Variants in OSBPL9 observed in about 807,000 individuals in gnomAD.
OSBPL9 encodes the protein oxysterol binding protein like 9.
In OSBPL9, 40 loss-of-function variants were observed where a neutral mutation model predicts 106.6. The ratio of observed to expected loss-of-function variants is 0.38; its 90% CI spans 0.29 to 0.49. The LOEUF is 0.49. Among genes scored for constraint, OSBPL9 ranks in the 20% least tolerant of loss-of-function variants. The pLI is 0.97. For missense variants in OSBPL9, 609 were observed against 887.2 expected (o/e 0.69, Z 3.98); for synonymous variants, 269 against 295.4 (o/e 0.91, Z 0.92).
At chr1:51,646,190 CT>C (rs1339397250) in intron 1 of OSBPL9, among the ~76,000 whole-genome samples, 1 of 152,118 alleles carries the variant, frequency 6.6e-6, no homozygotes, top group African/African-American at 2.4e-5. Context: ...TATATTGAAT[CT>C]GTAAATCAAT....
intron 4 of OSBPL9, among the ~76,000 whole-genome samples, chr1:51,731,548 G>A (rs1486579824): frequency 6.6e-6 from 1 of 152,092 alleles, no homozygotes; most frequent in African/African-American, 2.4e-5. Flanking sequence ...AGGCCGAGGC[G>A]GCCGGATCTC....
chr1:51,546,610 T>A, the OSBPL9 span, among the ~76,000 whole-genome samples: 1 of 150,452 alleles, frequency 6.6e-6, no homozygotes, highest in African/African-American at 2.5e-5. Context: ...GACAGGAGAA[T>A]GGCATGAACC....
At position 51,618,364 on chromosome 1, in the gene OSBPL9, A is replaced by T. The variant is rs138341696; in HGVS notation, c.111+1143A>T. Reference sequence around the variant, plus strand: ...ATCCCCTCCACCCTCATCGCATTCGATATGGAGAGTAGGTGGTATTAGGGA... The same window carrying T: ...ATCCCCTCCACCCTCATCGCATTCGTTATGGAGAGTAGGTGGTATTAGGGA... On this transcript the variant is annotated intron_variant, in intron 1 of 23. Transcript: ENST00000428468. 1.9e-4 allele frequency among the ~76,000 whole-genome samples: 29 copies of T among 152,142 alleles called. No individual in the cohort carries two copies. In the East Asian group the frequency reaches 5.6e-3, roughly 29 times the overall value.
intron 3 of OSBPL9, among the ~76,000 whole-genome samples, chr1:51,679,467 T>C (rs2148794387): frequency 6.6e-6 from 1 of 152,352 alleles, no homozygotes; most frequent in East Asian, 1.9e-4. Context: ...GTTAGTAACA[T>C]GGTTGTGTAT....
chr1:51,675,187 G>T (rs1014597095), intron 3 of OSBPL9, among the ~76,000 whole-genome samples: 1 of 152,154 alleles, frequency 6.6e-6, no homozygotes, highest in African/African-American at 2.4e-5. Context: ...ATTAAGCAGT[G>T]CATAACTGTA....
chr1:51,784,390 C>T, intron 19 of OSBPL9, 52 bp from the exon 20 acceptor site: 1 of 1,611,418 alleles, frequency 6.2e-7, no homozygotes, highest in Non-Finnish European at 8.5e-7. Context: ...CATGCCCCTT[C>T]CCCCTCTTCC....
intron 3 of OSBPL9, 119 bp downstream of exon 3, chr1:51,669,631 A>G (rs1570947296): frequency 1.1e-6 from 1 of 892,708 alleles, no homozygotes; most frequent in Admixed American, 2.0e-5. Context: ...GAACGAGTGC[A>G]TAGGAACATT....
chr1:51,551,323 G>A, the OSBPL9 span, among the ~76,000 whole-genome samples: 1 of 152,046 alleles, frequency 6.6e-6, no homozygotes, highest in Non-Finnish European at 1.5e-5. Flanking sequence ...TCCTGGCTCT[G>A]TAGTGGGATC....
intron 1 of OSBPL9, among the ~76,000 whole-genome samples, chr1:51,591,263 G>T (rs1193408873): frequency 2.6e-5 from 4 of 151,892 alleles, no homozygotes; most frequent in African/African-American, 9.7e-5. Context: ...ATAGAGACGA[G>T]GTCTCACTAT....
chr1:51,586,145 G>C (rs1298354407), intron 1 of OSBPL9, among the ~76,000 whole-genome samples: 1 of 151,932 alleles, frequency 6.6e-6, no homozygotes, highest in Non-Finnish European at 1.5e-5. Flanking sequence ...CTGCACTCCA[G>C]CCTGGGCAAC....
intron 3 of OSBPL9, among the ~76,000 whole-genome samples, chr1:51,683,648 C>G (rs1205189999): frequency 6.6e-6 from 1 of 151,906 alleles, no homozygotes; most frequent in East Asian, 2.0e-4. Flanking sequence ...CAAAACTTAG[C>G]CAGGCATTGT....
chr1:51,716,948 G>T (rs1661173740), intron 4 of OSBPL9, among the ~76,000 whole-genome samples: 1 of 151,548 alleles, frequency 6.6e-6, no homozygotes, highest in South Asian at 2.1e-4. Flanking sequence ...ACATAATAGT[G>T]CTTCCCAGTC....
chr1:51,617,409 C>T (rs1644119198), intron 1 of OSBPL9, among the ~76,000 whole-genome samples, 188 bp downstream of exon 1: 1 of 152,054 alleles, frequency 6.6e-6, no homozygotes, highest in African/African-American at 2.4e-5. Context: ...GAGAGGGGCG[C>T]AGCCAATAAA....
At chr1:51,651,648 C>T (rs1413603083) in intron 1 of OSBPL9, among the ~76,000 whole-genome samples, 1 of 151,848 alleles carries the variant, frequency 6.6e-6, no homozygotes, top group Non-Finnish European at 1.5e-5. Flanking sequence ...ATTCTTAAAC[C>T]TCCAGGTGAT....
rs1171862613 is a variant in OSBPL9, at chr1:51,625,221, T to C, written c.111+8000T>C. On this transcript the variant is annotated intron_variant, in intron 1 of 23. Coordinates refer to ENST00000428468, the MANE Select transcript of OSBPL9 (RefSeq NM_024586.6). ...CTGTTGCAAGCAGTTTTCTTGATGG[T>C]GATAATTTGTAGAAAGATGTAGAGT... is the stretch of plus-strand genomic sequence containing the variant. 3.3e-5 allele frequency among the ~76,000 whole-genome samples: 5 copies of C among 152,318 alleles called. No individual in the cohort carries two copies. In the South Asian group the frequency reaches 1.0e-3, roughly 32 times the overall value.
chr1:51,525,112 T>A, the OSBPL9 span, among the ~76,000 whole-genome samples: 1 of 152,204 alleles, frequency 6.6e-6, no homozygotes. Flanking sequence ...GAAAAAAGTT[T>A]GAGGAATCCT....
chr1:51,772,229 G>A (rs1373110426), intron 13 of OSBPL9, 47 bp downstream of exon 13: 4 of 1,454,014 alleles, frequency 2.8e-6, no homozygotes, highest in Non-Finnish European at 3.8e-6. Flanking sequence ...AAAAATATTT[G>A]TGGCCAGATG....
chr1:51,633,673 G>A (rs1478242191), intron 1 of OSBPL9, among the ~76,000 whole-genome samples: 1 of 152,132 alleles, frequency 6.6e-6, no homozygotes, highest in Non-Finnish European at 1.5e-5. Flanking sequence ...GGGGGCTAGA[G>A]TGCAGGGGCA....
chr1:51,723,791 T>C (rs551393014), intron 4 of OSBPL9, among the ~76,000 whole-genome samples: 75 of 152,350 alleles, frequency 4.9e-4, no homozygotes, highest in African/African-American at 1.7e-3. Flanking sequence ...GTTTTGGCAA[T>C]TATGAGTGAA....
Sources: gnomAD v4.1 joint callset for allele counts (sites outside exome capture counted in the v4.1 genomes callset) on GRCh38, gnomAD v4.1.1 for gene constraint, MANE v1.5 for transcripts, NCBI Gene and HGNC (gene_info 2026-07-23, HGNC 2026-07-21) for gene names.